RELN: variants seen among roughly 807,000 people sequenced by gnomAD.
The protein encoded by RELN is reelin.
Under a neutral mutation model 427.6 loss-of-function variants are expected in RELN, and 108 were observed. That is an observed-to-expected ratio of 0.25 (90% CI 0.22 to 0.30). RELN has a LOEUF of 0.30. RELN is among the 10% of genes least tolerant of loss of function. The pLI is 1.00. For missense variants in RELN, 3,715 were observed against 4,302.8 expected, an observed-to-expected ratio of 0.86 and a Z score of 3.82; for synonymous variants, 1,524 against 1,513.4, an observed-to-expected ratio of 1.01 and a Z score of -0.16.
chr7:103,596,800 T>A (rs1831548378), intron 24 of RELN, 139 bp from the exon 25 acceptor site: 1 of 765,510 alleles, frequency 1.3e-6, no homozygotes, highest in Middle Eastern at 2.8e-4. Flanking sequence ...GAGAGGGCAG[T>A]CATGCCATTT....
At chr7:103,686,997 A>T (rs1173934402) in intron 10 of RELN, among the ~76,000 whole-genome samples, 1 of 152,108 alleles carries the variant, frequency 6.6e-6, no homozygotes, top group Admixed American at 6.6e-5. Context: ...AATAGATTCA[A>T]CCATGGTGAG....
At chr7:103,635,369 T>A (rs760794351) in intron 19 of RELN, 56 bp downstream of exon 19, 1 of 1,566,276 alleles carries the variant, frequency 6.4e-7, no homozygotes, top group Non-Finnish European at 8.8e-7. Flanking sequence ...GAATTATGAT[T>A]TCCCCAGGAG....
At chr7:103,513,916 T>C (rs1213770459) in intron 50 of RELN, 1 of 152,198 alleles carries the variant, frequency 6.6e-6, no homozygotes, top group African/African-American at 2.4e-5. Flanking sequence ...TTTATTTTCA[T>C]CCTTAGGATT....
chr7:103,698,059 G>A lies in RELN; in HGVS notation c.937C>T (p.Leu313Phe), dbSNP rs1834015810. Reference protein sequence around the residue: ...PSNVSTIIHILYLPEDAKGEN... With the variant: ...PSNVSTIIHIFYLPEDAKGEN... ...CCTTTGGCGTCCTCAGGAAGGTAGAGGATATGGATGATTGTGCTGACATTG... is the reference window on the plus strand; with the variant it reads ...CCTTTGGCGTCCTCAGGAAGGTAGAAGATATGGATGATTGTGCTGACATTG... Residue 313 changes from leucine to phenylalanine, a missense_variant, in exon 10 of 65, where the codon CTC (leucine) becomes TTC (phenylalanine). Physicochemically the swap from Leu to Phe is conservative, Grantham distance 22. Around this residue, in one of 4 missense-constraint regions of RELN, gnomAD observed 2,208 missense variants for 2,361.7 expected, o/e 0.93. Transcript: ENST00000428762. 5 of 1,613,772 alleles carry A rather than the reference G, an allele frequency of 3.1e-6. No homozygotes were observed. In the Middle Eastern group the frequency reaches 5.0e-4, roughly 160 times the overall value.
At chr7:103,722,791 G>A (rs1420777206) in intron 8 of RELN, among the ~76,000 whole-genome samples, 1 of 152,136 alleles carries the variant, frequency 6.6e-6, no homozygotes. Context: ...CAGAGCTCAG[G>A]AAATGGAACA....
chr7:103,864,772 C>T (rs1794154562), intron 2 of RELN, among the ~76,000 whole-genome samples: 1 of 151,798 alleles, frequency 6.6e-6, no homozygotes, highest in Admixed American at 6.6e-5. Flanking sequence ...CTGAGTTTGG[C>T]TTTTAAAAAT....
intron 13 of RELN, 80 bp from the exon 14 acceptor site, chr7:103,652,839 G>C: frequency 7.9e-7 from 1 of 1,263,234 alleles, no homozygotes; most frequent in Non-Finnish European, 1.2e-6. Flanking sequence ...TTGACCTAAT[G>C]AACGCTATGT....
At chr7:103,905,624 T>C (rs190931157) in intron 2 of RELN, among the ~76,000 whole-genome samples, 42 of 152,314 alleles carry the variant, frequency 2.8e-4, no homozygotes, top group African/African-American at 8.7e-4. Flanking sequence ...TCAAAGATTG[T>C]TATTGGTCTA....
At chr7:103,642,861 A>G (rs1832722068) in intron 16 of RELN, among the ~76,000 whole-genome samples, 1 of 152,144 alleles carries the variant, frequency 6.6e-6, no homozygotes. Context: ...CCTACTCCCT[A>G]GAGCTAATGA....
chr7:103,820,435 C>A (rs929169899), intron 3 of RELN, among the ~76,000 whole-genome samples: 2 of 151,892 alleles, frequency 1.3e-5, no homozygotes, highest in African/African-American at 4.8e-5. Context: ...TTTCAATAAT[C>A]CTCCATCTTC....
At chr7:103,981,983 A>G (rs1053224604) in intron 1 of RELN, among the ~76,000 whole-genome samples, 6 of 152,218 alleles carry the variant, frequency 3.9e-5, no homozygotes, top group Non-Finnish European at 8.8e-5. Flanking sequence ...CCTGGCCAAC[A>G]CGGCAAAACC....
At chr7:103,957,339 G>T (rs10276794) in intron 1 of RELN, among the ~76,000 whole-genome samples, 42,969 of 152,040 alleles carry the variant, frequency 0.28, 7,704 homozygotes, top group African/African-American at 0.5. Context: ...GCTCGGGGAT[G>T]CAAAACAGAA....
chr7:103,910,618 G>A (rs1795343304), intron 2 of RELN, among the ~76,000 whole-genome samples: 1 of 140,054 alleles, frequency 7.1e-6, no homozygotes, highest in Non-Finnish European at 1.5e-5. Context: ...CAAGGCTACA[G>A]TAACCAAAAC....
intron 2 of RELN, among the ~76,000 whole-genome samples, chr7:103,872,065 T>C (rs1794356384): frequency 4.0e-5 from 6 of 148,248 alleles, no homozygotes; most frequent in Admixed American, 3.4e-4. Context: ...TTTTTATTTA[T>C]TTATTTTTTT....
At chr7:103,503,367 T>A in intron 51 of RELN, 137 bp from the exon 52 acceptor site, 2 of 778,072 alleles carry the variant, frequency 2.6e-6, no homozygotes, top group Non-Finnish European at 4.4e-6. Flanking sequence ...GATTCATTAT[T>A]TGTTCTGCTA....
At chr7:103,830,301 A>G (rs1178812423) in intron 3 of RELN, among the ~76,000 whole-genome samples, 1 of 151,998 alleles carries the variant, frequency 6.6e-6, no homozygotes, top group East Asian at 1.9e-4. Flanking sequence ...CTTAAAATCC[A>G]GTTAGTAAAA....
At chr7:103,799,737 A>G (rs983374915) in intron 3 of RELN, among the ~76,000 whole-genome samples, 1 of 152,192 alleles carries the variant, frequency 6.6e-6, no homozygotes, top group Non-Finnish European at 1.5e-5. Flanking sequence ...GTTATAATTA[A>G]GCGTTCTATT....
intron 34 of RELN, 107 bp from the exon 35 acceptor site, chr7:103,562,060 C>T: frequency 7.5e-7 from 1 of 1,328,146 alleles, no homozygotes; most frequent in African/African-American, 1.5e-5. Flanking sequence ...TGCCTTCCTC[C>T]AGGGTCCAGT....
rs1832342351 is a variant in RELN at position 103,626,971 on chromosome 7, T to C, written c.2702+2969A>G. ...AAAAAAGTGCTCTAGGATGACATAC[T>C]GGAAAGTGATTTGTAGCATACTGAC... On this transcript the variant is annotated intron_variant, in intron 20 of 64. Transcript: ENST00000428762. The surrounding 1 kb of genome is among the most constrained non-coding windows in gnomAD (Gnocchi z 4.4). Among the ~76,000 whole-genome samples the C allele has an allele frequency of 6.6e-6, 1 of 152,060 alleles. No individual in the cohort carries two copies.
Sources: gnomAD v4.1 joint callset for allele counts (sites outside exome capture counted in the v4.1 genomes callset) on GRCh38, gnomAD v4.1.1 for gene constraint, gnomAD v4.1.1 regional missense constraint, Gnocchi (gnomAD v3.1) non-coding constraint, MANE v1.5 for transcripts, NCBI Gene and HGNC (gene_info 2026-07-23, HGNC 2026-07-21) for gene names.